The following HPF1 variants were observed in gnomAD, a reference collection of about 807,000 sequenced individuals.
The protein encoded by HPF1 is histone PARylation factor 1, also known as UPF0609 protein C4orf27.
In HPF1, 35 loss-of-function variants were observed where a neutral mutation model predicts 38.8. The ratio of observed to expected loss-of-function variants is 0.90; its 90% CI spans 0.69 to 1.19. HPF1 has a LOEUF of 1.19. Among genes scored for constraint, HPF1 ranks in the 50% most tolerant of loss-of-function variants. The pLI is 0.00. For synonymous variants in HPF1, 115 were observed against 139.2 expected (o/e 0.83, Z 1.22); for missense variants, 367 against 405.8 (o/e 0.90, Z 0.82).
chr4:169,737,822 C>T, intron 5 of HPF1, 75 bp from the exon 6 acceptor site: 2 of 904,854 alleles, frequency 2.2e-6, no homozygotes, highest in South Asian at 2.9e-5. Context: ...ATACATAAAC[C>T]CTCAACATTT....
intron 6 of HPF1, among the ~76,000 whole-genome samples, chr4:169,734,151 C>T (rs915462068): frequency 6.6e-6 from 1 of 152,124 alleles, no homozygotes; most frequent in African/African-American, 2.4e-5. Context: ...TGGTTTGAAA[C>T]CTTTTACAAA....
At chr4:169,733,148 C>T (rs1217184956) in intron 6 of HPF1, among the ~76,000 whole-genome samples, 3 of 152,138 alleles carry the variant, frequency 2.0e-5, no homozygotes, top group African/African-American at 7.2e-5. Flanking sequence ...TTAACTAAAA[C>T]CTTCACCAAA....
intron 3 of HPF1, 115 bp from the exon 4 acceptor site, chr4:169,748,957 C>CT: frequency 1.8e-6 from 1 of 551,456 alleles, no homozygotes. Flanking sequence ...TTTTTGGAGG[C>CT]CTTTTTTTTT....
chr4:169,739,726 T>C (rs1733942511), intron 5 of HPF1, among the ~76,000 whole-genome samples: 1 of 152,160 alleles, frequency 6.6e-6, no homozygotes, highest in Non-Finnish European at 1.5e-5. Flanking sequence ...GTGAAAAATC[T>C]TAAGCAACCC....
In HPF1 at chr4:169,750,638, C is replaced by A. The variant is rs371483718; in HGVS notation, c.296G>T (p.Gly99Val). ...CCTCCAGTGAAGGTTAAAATTCAGG[C>A]CTGTTGATTTTTTCTTCGTTTTATG... ...GKHKTKKKST[G>V]LNFNLHWRFY... Residue 99 changes from glycine (G) to valine (V), a missense_variant, in exon 3 of 8, where the codon GGC becomes GTC. By Grantham distance (109) the Gly-to-Val change is moderately radical (BLOSUM62 -3). Coordinates refer to ENST00000393381, the MANE Select transcript of HPF1 (RefSeq NM_017867.3). The A allele has an allele frequency of 1.3e-5, 21 of 1,613,424 alleles. No homozygotes were observed. The African/African-American group carries it at 2.4e-4, about 18-fold the overall frequency.
At chr4:169,732,372 C>T (rs1733841426) in intron 6 of HPF1, among the ~76,000 whole-genome samples, 1 of 152,132 alleles carries the variant, frequency 6.6e-6, no homozygotes, top group Non-Finnish European at 1.5e-5. Flanking sequence ...ATCTCTTGAC[C>T]TCATGATCTG....
chr4:169,733,537 A>T (rs1163710477), intron 6 of HPF1, among the ~76,000 whole-genome samples: 2 of 152,236 alleles, frequency 1.3e-5, no homozygotes, highest in African/African-American at 2.4e-5. Flanking sequence ...AGGTGATGTT[A>T]AATTCTATGT....
At chr4:169,732,108 C>T in intron 6 of HPF1, 3 of 367,136 alleles carry the variant, frequency 8.2e-6, no homozygotes, top group South Asian at 4.6e-5. Context: ...TTATTAACGA[C>T]TATTTCACAG....
At chr4:169,751,243 A>T (rs1734115463) in intron 2 of HPF1, among the ~76,000 whole-genome samples, 2 of 151,914 alleles carry the variant, frequency 1.3e-5, no homozygotes, top group Non-Finnish European at 2.9e-5. Flanking sequence ...TCTCTACTAA[A>T]AATACAAAAA....
At chr4:169,754,662 G>A (rs1734162189) in intron 1 of HPF1, among the ~76,000 whole-genome samples, 1 of 152,082 alleles carries the variant, frequency 6.6e-6, no homozygotes, top group South Asian at 2.1e-4. Flanking sequence ...TTTGGATTAA[G>A]TTCTTTCCTT....
chr4:169,752,165 T>A (rs2150293455), intron 2 of HPF1, among the ~76,000 whole-genome samples: 1 of 132,412 alleles, frequency 7.6e-6, no homozygotes, highest in Non-Finnish European at 1.6e-5. Context: ...TATACAGGCA[T>A]GACTTTTTTT....
At chr4:169,756,625 A>G (rs1560892865) in intron 1 of HPF1, among the ~76,000 whole-genome samples, 1 of 152,222 alleles carries the variant, frequency 6.6e-6, no homozygotes, top group Non-Finnish European at 1.5e-5. Context: ...CAGTGCCTAT[A>G]TCGGGGTTGT....
At chr4:169,747,913 A>G (rs1214053094) in intron 4 of HPF1, among the ~76,000 whole-genome samples, 2 of 152,190 alleles carry the variant, frequency 1.3e-5, no homozygotes, top group Non-Finnish European at 2.9e-5. Context: ...AGAGGCAAAG[A>G]GTAGGGCATC....
At chr4:169,740,588 C>T (rs1283795692) in intron 5 of HPF1, among the ~76,000 whole-genome samples, 2 of 152,152 alleles carry the variant, frequency 1.3e-5, no homozygotes, top group Non-Finnish European at 2.9e-5. Context: ...AATAAAAGAA[C>T]AACCTTGCAT....
In HPF1 at chr4:169,742,053, G is replaced by A; in HGVS notation, c.552C>T (p.Leu184=). The change falls in exon 5 of 8, where the codon CTC becomes CTT. Residue 184 remains leucine (L), a synonymous_variant. Coordinates refer to ENST00000393381, the MANE Select transcript of HPF1 (RefSeq NM_017867.3). ...REITDKKKIN[L]LKNIDEKLTE... ...TGAGTTTTTCATCTATGTTTTTCAA[G>A]AGATTGATTTTCTTTTTATCCGTTA... 6.2e-7 allele frequency: 1 copy of A among 1,610,042 alleles called. No homozygotes were observed. The highest frequency in any genetic ancestry group is 8.5e-7 in the Non-Finnish European group (1 of 1,176,490).
At chr4:169,754,685 A>G (rs964818767) in intron 1 of HPF1, among the ~76,000 whole-genome samples, 2 of 152,098 alleles carry the variant, frequency 1.3e-5, no homozygotes, top group African/African-American at 2.4e-5. Flanking sequence ...TATTCTTCCT[A>G]CCTAGAGCAG....
intron 6 of HPF1, among the ~76,000 whole-genome samples, chr4:169,735,662 C>T (rs1007539779): frequency 6.6e-6 from 1 of 152,164 alleles, no homozygotes; most frequent in Non-Finnish European, 1.5e-5. Context: ...ATCTCTACAA[C>T]AAATGTGCGC....
intron 6 of HPF1, among the ~76,000 whole-genome samples, chr4:169,737,289 C>CAAAAA (rs35524684): frequency 1.3e-4 from 14 of 107,968 alleles, no homozygotes; most frequent in Admixed American, 2.1e-4. Flanking sequence ...CACTCCGTCT[C>CAAAAA]AAAAAAAAAA....
In HPF1 at chr4:169,748,205, C is replaced by T. The variant is rs548434892; in HGVS notation, c.497+539G>A. Among the ~76,000 whole-genome samples the T allele has an allele frequency of 2.6e-5, 4 of 152,222 alleles. No individual in the cohort carries two copies. In the South Asian group the frequency reaches 8.3e-4, roughly 32 times the overall value. On this transcript the variant is annotated intron_variant, in intron 4 of 7. Transcript: ENST00000393381. ...ATGTCTAACAAAACTGTTGATGTTGCCATGGAACACCTGAGGTCAAGTATT... is the reference window on the plus strand; with the variant it reads ...ATGTCTAACAAAACTGTTGATGTTGTCATGGAACACCTGAGGTCAAGTATT...
Sources: gnomAD v4.1 joint callset for allele counts (sites outside exome capture counted in the v4.1 genomes callset) on GRCh38, gnomAD v4.1.1 for gene constraint, MANE v1.5 for transcripts, NCBI Gene and HGNC (gene_info 2026-07-23, HGNC 2026-07-21) for gene names.